The following LHFPL3 variants were observed in gnomAD, a reference collection of about 807,000 sequenced individuals.
The protein encoded by LHFPL3 is LHFPL tetraspan subfamily member 3.
A neutral mutation model predicts 19.3 loss-of-function variants in LHFPL3; 5 were observed. The observed-to-expected ratio is 0.26, with a 90% confidence interval of 0.14 to 0.54. LHFPL3 has a LOEUF of 0.54. Among genes scored for constraint, LHFPL3 ranks in the 20% least tolerant of loss-of-function variants. The probability of loss-of-function intolerance (pLI) is 0.94; values close to 1 mark genes in which losing one functional copy is unlikely to be tolerated. For synonymous variants in LHFPL3, 133 were observed against 126.2 expected (o/e 1.05, Z -0.36); for missense variants, 249 against 307.4 (o/e 0.81, Z 1.42).
chr7:104,401,247 T>G (rs1446932680), intron 1 of LHFPL3, among the ~76,000 whole-genome samples: 3 of 152,234 alleles, frequency 2.0e-5, no homozygotes, highest in Non-Finnish European at 4.4e-5. Context: ...TTATCCCAAA[T>G]TAGTGTATAA....
At chr7:104,503,649 A>G (rs1374905714) in intron 1 of LHFPL3, among the ~76,000 whole-genome samples, 2 of 152,112 alleles carry the variant, frequency 1.3e-5, no homozygotes, top group Non-Finnish European at 2.9e-5. Flanking sequence ...GGCTCACTGC[A>G]GCCTCCACCT....
intron 1 of LHFPL3, among the ~76,000 whole-genome samples, chr7:104,419,622 C>T (rs943088660): frequency 3.3e-5 from 5 of 152,064 alleles, no homozygotes; most frequent in Non-Finnish European, 5.9e-5. Flanking sequence ...TTAGACATAC[C>T]GGTTTTCGAG....
chr7:104,348,062 A>G (rs1244488420), intron 1 of LHFPL3, among the ~76,000 whole-genome samples: 1 of 152,224 alleles, frequency 6.6e-6, no homozygotes, highest in Non-Finnish European at 1.5e-5. Context: ...GGGAGATCGT[A>G]TCATTTCTGT....
At chr7:104,417,888 T>TC (rs1791656307) in intron 1 of LHFPL3, among the ~76,000 whole-genome samples, 6 of 149,152 alleles carry the variant, frequency 4.0e-5, no homozygotes, top group African/African-American at 7.4e-5. Flanking sequence ...CTTCTTCTTT[T>TC]TTTTTTTTTT....
At chr7:104,591,705 AGT>A (rs565930068) in intron 1 of LHFPL3, among the ~76,000 whole-genome samples, 442 of 152,246 alleles carry the variant, frequency 2.9e-3, no homozygotes, top group Non-Finnish European at 5.5e-3. Flanking sequence ...TGTCCTGAAG[AGT>A]GTTTTCCAAG....
At chr7:104,857,495 C>G (rs367685280) in intron 2 of LHFPL3, among the ~76,000 whole-genome samples, 1 of 152,192 alleles carries the variant, frequency 6.6e-6, no homozygotes, top group African/African-American at 2.4e-5. Flanking sequence ...CTCCCAGTTA[C>G]TGAGATCCAG....
chr7:104,842,184 T>TAAAA (rs11429366), intron 2 of LHFPL3, among the ~76,000 whole-genome samples: 2,383 of 141,462 alleles, frequency 0.017, 70 homozygotes, highest in African/African-American at 0.049. Flanking sequence ...CACAATCCTT[T>TAAAA]AAAAAAAAAA....
chr7:104,597,242 C>G (rs1292644709), intron 1 of LHFPL3, among the ~76,000 whole-genome samples: 1 of 152,164 alleles, frequency 6.6e-6, no homozygotes, highest in East Asian at 1.9e-4. Context: ...AATAAATGTT[C>G]TTTCTTTTGC....
intron 1 of LHFPL3, among the ~76,000 whole-genome samples, chr7:104,604,905 AG>A (rs1791061845): frequency 6.6e-6 from 1 of 152,206 alleles, no homozygotes; most frequent in Non-Finnish European, 1.5e-5. Context: ...GTCAGTCTCC[AG>A]GGAGCCCGGG....
intron 1 of LHFPL3, among the ~76,000 whole-genome samples, chr7:104,421,920 G>C (rs1229269827): frequency 1.3e-5 from 2 of 152,098 alleles, no homozygotes; most frequent in African/African-American, 4.8e-5. Context: ...TCCTTATAAG[G>C]AAAGACCCCA....
chr7:104,771,841 T>G (rs1584525776), intron 2 of LHFPL3, among the ~76,000 whole-genome samples: 3 of 104,872 alleles, frequency 2.9e-5, no homozygotes, highest in East Asian at 3.3e-4. Flanking sequence ...TTTTTTTTTT[T>G]TGAGACGGTT....
chr7:104,732,456 G>A (rs1311839000), intron 1 of LHFPL3, among the ~76,000 whole-genome samples: 3 of 152,086 alleles, frequency 2.0e-5, no homozygotes, highest in African/African-American at 4.8e-5. Flanking sequence ...GTCTTGGGAG[G>A]ATGTATATGT....
intron 1 of LHFPL3, among the ~76,000 whole-genome samples, chr7:104,505,668 G>A (rs1394535359): frequency 3.3e-5 from 5 of 152,148 alleles, no homozygotes; most frequent in Admixed American, 6.6e-5. Context: ...GTCGAAAAAA[G>A]ATAAGCACAA....
chr7:104,500,304 T>G (rs760993102), intron 1 of LHFPL3, among the ~76,000 whole-genome samples: 10 of 151,982 alleles, frequency 6.6e-5, no homozygotes, highest in Non-Finnish European at 1.5e-4. Context: ...CAACTGGAGA[T>G]CAATACTTGA....
At chr7:104,769,616 C>G (rs1203637850) in intron 2 of LHFPL3, among the ~76,000 whole-genome samples, 2 of 148,566 alleles carry the variant, frequency 1.3e-5, no homozygotes, top group African/African-American at 5.0e-5. Context: ...TTAGCCCCCC[C>G]AACCCCCGAC....
At chr7:104,766,593 C>T (rs965320176) in intron 2 of LHFPL3, among the ~76,000 whole-genome samples, 1 of 152,174 alleles carries the variant, frequency 6.6e-6, no homozygotes, top group African/African-American at 2.4e-5. Context: ...TCGTCTTCCT[C>T]CCCAACCATG....
chr7:104,491,204 T>C (rs1793342581), intron 1 of LHFPL3, among the ~76,000 whole-genome samples: 1 of 152,226 alleles, frequency 6.6e-6, no homozygotes, highest in Middle Eastern at 3.4e-3. Flanking sequence ...ACTTACCTTT[T>C]GCATCAGCAA....
chr7:104,673,483 G>A (rs534196225), intron 1 of LHFPL3, among the ~76,000 whole-genome samples: 1 of 152,348 alleles, frequency 6.6e-6, no homozygotes, highest in Non-Finnish European at 1.5e-5. Context: ...ACTTCTGGCT[G>A]GTAGTTACTG....
chr7:104,737,153 T>G (rs1584505950), intron 2 of LHFPL3, among the ~76,000 whole-genome samples: 1 of 348 alleles, frequency 2.9e-3, no homozygotes, highest in Admixed American at 0.033. Context: ...ATTTTGATGC[T>G]TTTTTTTTTC....
Sources: allele counts gnomAD v4.1 joint callset (sites outside exome capture counted in the v4.1 genomes callset), GRCh38; gene constraint gnomAD v4.1.1; transcripts MANE v1.5; gene names NCBI Gene and HGNC (gene_info 2026-07-23, HGNC 2026-07-21).